The following PLPP4 variants were observed in gnomAD, a reference collection of about 807,000 sequenced individuals.
PLPP4 encodes phospholipid phosphatase 4.
In PLPP4, 20 loss-of-function variants were observed where a neutral mutation model predicts 32.2. That is an observed-to-expected ratio of 0.62 (90% CI 0.44 to 0.90). PLPP4 has a LOEUF of 0.90. Among genes scored for constraint, PLPP4 ranks in the 40% least tolerant of loss-of-function variants. PLPP4 has a pLI of 0.00. For synonymous variants in PLPP4, 127 were observed against 133.0 expected (o/e 0.95, Z 0.31); for missense variants, 257 against 353.1 (o/e 0.73, Z 2.18).
chr10:120,470,201 T>A (rs1368837972), intron 1 of PLPP4, among the ~76,000 whole-genome samples: 1 of 152,250 alleles, frequency 6.6e-6, no homozygotes, highest in Non-Finnish European at 1.5e-5. Context: ...CTATGTTTAG[T>A]GTTGAGCATC....
At chr10:120,539,233 C>T (rs1331488401) in intron 5 of PLPP4, among the ~76,000 whole-genome samples, 2 of 152,146 alleles carry the variant, frequency 1.3e-5, no homozygotes, top group South Asian at 2.1e-4. Flanking sequence ...ATGCTTAACC[C>T]GTCCCCTAGA....
chr10:120,495,276 T>G (rs73369291), intron 1 of PLPP4, among the ~76,000 whole-genome samples: 1,786 of 152,320 alleles, frequency 0.012, 44 homozygotes, highest in African/African-American at 0.041. Context: ...TTCTAATTGT[T>G]AGCTTTGTTT....
At chr10:120,491,709 T>G (rs1382937434) in intron 1 of PLPP4, among the ~76,000 whole-genome samples, 6 of 152,172 alleles carry the variant, frequency 3.9e-5, no homozygotes, top group Non-Finnish European at 7.3e-5. Context: ...GCACTTTTAT[T>G]TCATCTGCTT....
chr10:120,461,033 T>C (rs1357359200), intron 1 of PLPP4, among the ~76,000 whole-genome samples: 3 of 152,122 alleles, frequency 2.0e-5, no homozygotes, highest in African/African-American at 7.2e-5. Context: ...AGCAATTCCT[T>C]CCATGACTCC....
chr10:120,560,167 T>G (rs775566833), intron 5 of PLPP4, among the ~76,000 whole-genome samples: 1 of 152,164 alleles, frequency 6.6e-6, no homozygotes, highest in Non-Finnish European at 1.5e-5. Flanking sequence ...ATGGGACTTA[T>G]GAAGTGTCAC....
intron 5 of PLPP4, among the ~76,000 whole-genome samples, chr10:120,528,616 C>T (rs959354669): frequency 2.6e-5 from 4 of 151,986 alleles, no homozygotes; most frequent in Non-Finnish European, 5.9e-5. Flanking sequence ...GCTTCCAAGA[C>T]AATTGCGGAG....
chr10:120,549,002 A>G (rs1847764394), intron 5 of PLPP4, among the ~76,000 whole-genome samples: 1 of 151,918 alleles, frequency 6.6e-6, no homozygotes, highest in South Asian at 2.1e-4. Context: ...ATAGTTTGTA[A>G]ATATTTTCTC....
At chr10:120,457,610 G>A (rs527642767) in intron 1 of PLPP4, among the ~76,000 whole-genome samples, 1 of 152,088 alleles carries the variant, frequency 6.6e-6, no homozygotes, top group African/African-American at 2.4e-5. Flanking sequence ...GTCTCACCGG[G>A]CCCGCGCCTG....
chr10:120,558,241 A>G (rs1278785529), intron 5 of PLPP4, among the ~76,000 whole-genome samples: 1 of 151,942 alleles, frequency 6.6e-6, no homozygotes, highest in Admixed American at 6.6e-5. Flanking sequence ...ACACATGTAT[A>G]CATTCCTAAG....
At chr10:120,538,044 CTCTCTCTCTGTG>C (rs1847137069) in intron 5 of PLPP4, among the ~76,000 whole-genome samples, 7 of 31,248 alleles carry the variant, frequency 2.2e-4, no homozygotes, top group African/African-American at 7.8e-4. Flanking sequence ...CTCTCTCTCT[CTCTCTCTCTGTG>C]TGTGTGTGTG....
At chr10:120,467,082 G>T (rs1005017692) in intron 1 of PLPP4, among the ~76,000 whole-genome samples, 2 of 151,768 alleles carry the variant, frequency 1.3e-5, no homozygotes, top group Non-Finnish European at 2.9e-5. Context: ...GTATGTGTAG[G>T]TTTGTTTTTT....
chr10:120,561,952 C>T (rs1227672266), intron 5 of PLPP4, among the ~76,000 whole-genome samples: 1 of 152,206 alleles, frequency 6.6e-6, no homozygotes, highest in Non-Finnish European at 1.5e-5. Flanking sequence ...AGTGTCTTAG[C>T]TATTCTCAGC....
chr10:120,563,212 C>T (rs1848514498), intron 5 of PLPP4, among the ~76,000 whole-genome samples: 2 of 152,252 alleles, frequency 1.3e-5, no homozygotes, highest in East Asian at 3.9e-4. Flanking sequence ...GCACTCCAGC[C>T]TGGGTAACAA....
At chr10:120,500,201 A>G (rs1038883146) in intron 1 of PLPP4, among the ~76,000 whole-genome samples, 1 of 152,150 alleles carries the variant, frequency 6.6e-6, no homozygotes, top group African/African-American at 2.4e-5. Flanking sequence ...GTCTTTAGAA[A>G]AATTGCCACG....
At position 120,493,660 on chromosome 10, in the gene PLPP4, C is replaced by T. The variant is rs184795293; in HGVS notation, c.57-10158C>T. Among the ~76,000 whole-genome samples the T allele has an allele frequency of 4.4e-3, 665 of 152,292 alleles. 3 individuals are homozygous for T. Among genetic ancestry groups the T allele is most frequent in the African/African-American group, 0.015 (627 of 41,548 alleles). The stretch of plus-strand genomic sequence containing the variant: ...CACACTGTCCACTCACCAATCCCCC[C>T]CCATCCTACCCCAGTGTGTTTAGGA... On this transcript the variant is annotated intron_variant, in intron 1 of 6. Coordinates refer to ENST00000398250, the MANE Select transcript of PLPP4 (RefSeq NM_001030059.3).
At position 120,560,341 on chromosome 10, in the gene PLPP4, A is replaced by AG. The variant is rs1218854393; in HGVS notation, c.446-14790_446-14789insG. On this transcript the variant is annotated intron_variant, in intron 5 of 6. Coordinates refer to ENST00000398250, the MANE Select transcript of PLPP4 (RefSeq NM_001030059.3). ...CTAAGGACCATTGCAAAAAAAAAAA[A>AG]AAAGAAAGAAAAAAATCATTTGTGA... is the stretch of plus-strand genomic sequence containing the variant. Among the ~76,000 whole-genome samples the AG allele has an allele frequency of 1.5e-4, 23 of 149,550 alleles. 1 individual carries two copies. The highest frequency in any genetic ancestry group is 2.2e-4 in the Non-Finnish European group (15 of 67,346).
chr10:120,590,768 T>TA lies in PLPP4; in HGVS notation c.*1266_*1267insA. Among the ~76,000 whole-genome samples the TA allele has an allele frequency of 2.1e-5, 1 of 48,646 alleles. No individual in the cohort carries two copies. The highest frequency in any genetic ancestry group is 1.1e-4 in the African/African-American group (1 of 9,214). 31.9% of individuals were successfully genotyped at this position (48,646 alleles called of 152,430 possible). A position where few individuals can be genotyped will look rare whatever the true frequency, so the allele number is the denominator to read the frequency against. On this transcript the variant is annotated 3_prime_UTR_variant, in exon 7 of 7. Coordinates refer to ENST00000398250, the MANE Select transcript of PLPP4 (RefSeq NM_001030059.3). ...GCATCTTTGCTATCCAGAGTGTCAC[T>TA]TTTTTTTTTTTTTTTTTGAGATGGA...
intron 1 of PLPP4, among the ~76,000 whole-genome samples, chr10:120,480,268 A>C (rs1199224830): frequency 6.6e-6 from 1 of 152,180 alleles, no homozygotes; most frequent in African/African-American, 2.4e-5. Context: ...TCTTCTGACT[A>C]ATCCAGTAGT....
At chr10:120,562,576 A>G (rs1458530115) in intron 5 of PLPP4, among the ~76,000 whole-genome samples, 1 of 152,194 alleles carries the variant, frequency 6.6e-6, no homozygotes. Context: ...ATTCTTTATC[A>G]GGTTCCTTCC....
Sources: allele counts gnomAD v4.1 joint callset (sites outside exome capture counted in the v4.1 genomes callset), GRCh38; gene constraint gnomAD v4.1.1; transcripts MANE v1.5; gene names NCBI Gene and HGNC (gene_info 2026-07-23, HGNC 2026-07-21).